The following PSMD14 variants were observed in gnomAD, a reference collection of about 807,000 sequenced individuals.
PSMD14 encodes proteasome 26S subunit, non-ATPase 14.
In PSMD14, 7 loss-of-function variants were observed where a neutral mutation model predicts 41.2. That is an observed-to-expected ratio of 0.17 (90% CI 0.10 to 0.32). The LOEUF (loss-of-function observed/expected upper bound fraction) is 0.32. PSMD14 is among the 10% of genes least tolerant of loss of function. The pLI, the probability that PSMD14 is intolerant of heterozygous loss-of-function variation, is 1.00. For synonymous variants in PSMD14, 114 were observed against 122.3 expected, an observed-to-expected ratio of 0.93 and a Z score of 0.45; for missense variants, 139 against 375.6, an observed-to-expected ratio of 0.37 and a Z score of 5.21.
intron 3 of PSMD14, among the ~76,000 whole-genome samples, chr2:161,330,295 A>G (rs1682766865): frequency 6.6e-6 from 1 of 152,210 alleles, no homozygotes; most frequent in Admixed American, 6.5e-5. Context: ...TTTTTGGTAG[A>G]AAGTATATGG....
intron 1 of PSMD14, among the ~76,000 whole-genome samples, chr2:161,311,100 G>A (rs1689081940): frequency 6.6e-6 from 1 of 152,190 alleles, no homozygotes; most frequent in Non-Finnish European, 1.5e-5. Context: ...GAGGTCAGGA[G>A]TTCCAGTCTG....
chr2:161,347,800 TTC>T (rs1445084380), intron 3 of PSMD14, among the ~76,000 whole-genome samples: 1 of 152,228 alleles, frequency 6.6e-6, no homozygotes, highest in African/African-American at 2.4e-5. Flanking sequence ...CCGGGTACTC[TTC>T]TAAGTACTTT....
At chr2:161,374,661 G>T (rs560064521) in intron 7 of PSMD14, among the ~76,000 whole-genome samples, 2 of 151,898 alleles carry the variant, frequency 1.3e-5, no homozygotes, top group Non-Finnish European at 2.9e-5. Flanking sequence ...TTAAACTTTA[G>T]TTCTCAAGTG....
At chr2:161,400,388 A>T (rs1048540527) in intron 10 of PSMD14, among the ~76,000 whole-genome samples, 4 of 152,170 alleles carry the variant, frequency 2.6e-5, no homozygotes, top group Admixed American at 6.5e-5. Flanking sequence ...GATCCTTTCC[A>T]TAAGTTCCAC....
At chr2:161,325,634 C>T (rs1031490891) in intron 3 of PSMD14, among the ~76,000 whole-genome samples, 11 of 152,010 alleles carry the variant, frequency 7.2e-5, no homozygotes, top group African/African-American at 2.7e-4. Flanking sequence ...AAAATATCAA[C>T]CAGAATGTTC....
At chr2:161,364,518 C>T (rs1683333420) in intron 3 of PSMD14, among the ~76,000 whole-genome samples, 1 of 152,088 alleles carries the variant, frequency 6.6e-6, no homozygotes, top group Non-Finnish European at 1.5e-5. Flanking sequence ...TGCCTTGGCC[C>T]CCCTCCCCTC....
intron 3 of PSMD14, among the ~76,000 whole-genome samples, chr2:161,344,180 A>G (rs2042488): frequency 0.91 from 138,828 of 152,050 alleles, 63,431 homozygotes; most frequent in East Asian, 1. Context: ...AGGGATGACT[A>G]TACTCAGAAG....
chr2:161,371,161 CTT>C lies in PSMD14; in HGVS notation c.312-9_312-8del. 6.2e-7 allele frequency: 1 copy of C among 1,611,874 alleles called. No homozygotes were observed. Among genetic ancestry groups the C allele is most frequent in the South Asian group, 1.1e-5 (1 of 90,900 alleles). Reference sequence around the variant, plus strand: ...TCTGTTCTGAGCATCTGAATGCCCTCTTTGTTTCAGGCCGGAGATGGTTGTTG... The same window carrying C: ...TCTGTTCTGAGCATCTGAATGCCCTCTGTTTCAGGCCGGAGATGGTTGTTG... On this transcript the variant is annotated splice_polypyrimidine_tract_variant and intron_variant, in intron 6 of 11. Transcript: ENST00000409682.
intron 5 of PSMD14, among the ~76,000 whole-genome samples, chr2:161,368,817 A>G (rs1479789850): frequency 6.6e-6 from 1 of 151,928 alleles, no homozygotes; most frequent in East Asian, 1.9e-4. Flanking sequence ...AACAAATTAC[A>G]ATTTTAAGTA....
intron 3 of PSMD14, chr2:161,340,843 G>A: frequency 6.2e-7 from 1 of 1,613,956 alleles, no homozygotes; most frequent in Non-Finnish European, 8.5e-7. Flanking sequence ...TCCTCCTCCA[G>A]CTCCTCTTTG....
At chr2:161,390,274 C>T (rs1683694866) in intron 8 of PSMD14, among the ~76,000 whole-genome samples, 1 of 152,012 alleles carries the variant, frequency 6.6e-6, no homozygotes, top group East Asian at 1.9e-4. Flanking sequence ...ACCCCAAAGT[C>T]CTTTTTGTTT....
chr2:161,407,691 T>C (rs1026680290), intron 10 of PSMD14: 1 of 152,116 alleles, frequency 6.6e-6, no homozygotes, highest in African/African-American at 2.4e-5. Context: ...GCTGTGAGAT[T>C]ATAAAGTTCA....
chr2:161,383,271 T>G (rs969724151), intron 7 of PSMD14: 2 of 152,210 alleles, frequency 1.3e-5, no homozygotes, highest in African/African-American at 4.8e-5. Flanking sequence ...GGTCTGCAGG[T>G]TGTTGAACAT....
chr2:161,367,655 A>G (rs1454271115), intron 4 of PSMD14, 106 bp downstream of exon 4: 14 of 1,419,550 alleles, frequency 9.9e-6, no homozygotes, highest in African/African-American at 3.0e-5. Context: ...TAAATAAGCT[A>G]TTGTTTTAGG....
chr2:161,353,470 T>A (rs1683149026), intron 3 of PSMD14, among the ~76,000 whole-genome samples: 1 of 152,232 alleles, frequency 6.6e-6, no homozygotes, highest in African/African-American at 2.4e-5. Context: ...TAGCTCATTT[T>A]ATTGTTTAAA....
chr2:161,330,459 C>T (rs1682772007), intron 3 of PSMD14, among the ~76,000 whole-genome samples: 1 of 152,170 alleles, frequency 6.6e-6, no homozygotes. Flanking sequence ...ATTTGATTTA[C>T]TGGTTACATT....
intron 10 of PSMD14, among the ~76,000 whole-genome samples, chr2:161,400,578 A>G (rs1683862079): frequency 6.6e-6 from 1 of 152,166 alleles, no homozygotes; most frequent in Non-Finnish European, 1.5e-5. Flanking sequence ...ATTAAAGACA[A>G]GGTCTCACTG....
intron 3 of PSMD14, among the ~76,000 whole-genome samples, chr2:161,356,755 C>T (rs1327345324): frequency 2.1e-5 from 2 of 95,178 alleles, no homozygotes; most frequent in African/African-American, 4.2e-5. Flanking sequence ...TTTAAATATT[C>T]AAACTCCTTT....
At chr2:161,401,069 G>C (rs1683872047) in intron 10 of PSMD14, among the ~76,000 whole-genome samples, 1 of 152,166 alleles carries the variant, frequency 6.6e-6, no homozygotes, top group Non-Finnish European at 1.5e-5. Context: ...AGCTGCTGTT[G>C]CCTGCCATTT....
Sources: allele counts gnomAD v4.1 joint callset (sites outside exome capture counted in the v4.1 genomes callset), GRCh38; gene constraint gnomAD v4.1.1; transcripts MANE v1.5; gene names NCBI Gene and HGNC (gene_info 2026-07-23, HGNC 2026-07-21).